Variants in TTC28 observed in about 807,000 individuals in gnomAD.
TTC28 encodes the protein tetratricopeptide repeat domain 28.
A neutral mutation model predicts 198.0 loss-of-function variants in TTC28; 61 were observed. The ratio of observed to expected loss-of-function variants is 0.31; its 90% CI spans 0.25 to 0.38. The LOEUF is 0.38. Ranked by LOEUF, TTC28 falls within the 10% of genes least tolerant of loss-of-function variation. TTC28 has a pLI of 1.00. For missense variants in TTC28, 2,678 were observed against 3,164.0 expected (o/e 0.85, Z 3.69); for synonymous variants, 1,171 against 1,297.8 (o/e 0.90, Z 2.10).
chr22:28,250,401 A>C (rs1930432620), intron 5 of TTC28, among the ~76,000 whole-genome samples: 1 of 152,238 alleles, frequency 6.6e-6, no homozygotes, highest in African/African-American at 2.4e-5. Context: ...ATTATAATTT[A>C]AATACTTTAA....
intron 15 of TTC28, chr22:27,999,730 T>C: frequency 6.3e-6 from 1 of 159,336 alleles, no homozygotes; most frequent in Non-Finnish European, 1.4e-5. Flanking sequence ...CTTAAGTCCT[T>C]TAAGAAGCTC....
intron 5 of TTC28, among the ~76,000 whole-genome samples, chr22:28,235,606 G>A (rs1929182109): frequency 6.6e-6 from 1 of 152,072 alleles, no homozygotes; most frequent in Non-Finnish European, 1.5e-5. Flanking sequence ...AAATAACACT[G>A]GAATAGAACA....
chr22:28,178,128 T>C (rs942177064), intron 5 of TTC28, among the ~76,000 whole-genome samples: 1 of 152,094 alleles, frequency 6.6e-6, no homozygotes, highest in East Asian at 1.9e-4. Flanking sequence ...ATACTATTTG[T>C]TTAATTTTCT....
chr22:28,553,671 G>A (rs956289086), intron 2 of TTC28, among the ~76,000 whole-genome samples: 45 of 151,638 alleles, frequency 3.0e-4, no homozygotes, highest in East Asian at 7.8e-4. Flanking sequence ...CAGCCCCCGC[G>A]CCAGGCCAGC....
At chr22:28,204,345 T>C (rs938870594) in intron 5 of TTC28, among the ~76,000 whole-genome samples, 3 of 152,170 alleles carry the variant, frequency 2.0e-5, no homozygotes, top group African/African-American at 7.2e-5. Context: ...ATTTTAGTGG[T>C]CACATGGATT....
intron 2 of TTC28, among the ~76,000 whole-genome samples, chr22:28,403,363 T>C (rs1471883081): frequency 2.0e-5 from 3 of 152,206 alleles, no homozygotes; most frequent in African/African-American, 4.8e-5. Flanking sequence ...TTAATAATAC[T>C]GATGTCCAGA....
intron 2 of TTC28, among the ~76,000 whole-genome samples, chr22:28,408,049 AACTG>A (rs2047026232): frequency 6.6e-6 from 1 of 152,246 alleles, no homozygotes; most frequent in Non-Finnish European, 1.5e-5. Context: ...TGGGACTAGT[AACTG>A]TGCATTCAGC....
intron 2 of TTC28, among the ~76,000 whole-genome samples, chr22:28,583,589 G>T (rs2050263781): frequency 6.6e-6 from 1 of 152,028 alleles, no homozygotes; most frequent in Non-Finnish European, 1.5e-5. Context: ...CTGCTTGTCA[G>T]CATCTGTATT....
chr22:28,165,513 G>C (rs1921827894), intron 5 of TTC28, among the ~76,000 whole-genome samples: 1 of 151,746 alleles, frequency 6.6e-6, no homozygotes, highest in Non-Finnish European at 1.5e-5. Flanking sequence ...AAGAGAGTAG[G>C]GGCCAATATT....
intron 2 of TTC28, among the ~76,000 whole-genome samples, chr22:28,496,298 C>T (rs1438019792): frequency 6.6e-6 from 1 of 151,974 alleles, no homozygotes; most frequent in Non-Finnish European, 1.5e-5. Context: ...TTGCTATATC[C>T]GACCTCTCCC....
At chr22:28,189,194 T>C (rs1165627978) in intron 5 of TTC28, among the ~76,000 whole-genome samples, 1 of 151,958 alleles carries the variant, frequency 6.6e-6, no homozygotes, top group African/African-American at 2.4e-5. Flanking sequence ...AAATAACAAA[T>C]ACATATGTAT....
Position 28,426,559 on chromosome 22 carries a change from A to C in TTC28, c.382-119916T>G, listed in dbSNP as rs538039017. Among the ~76,000 whole-genome samples, 4 of 152,288 alleles carry C rather than the reference A, an allele frequency of 2.6e-5. No homozygotes were observed. In the South Asian group the frequency reaches 6.2e-4, roughly 24 times the overall value. On this transcript the variant is annotated intron_variant, in intron 2 of 22. Coordinates refer to ENST00000397906, the MANE Select transcript of TTC28 (RefSeq NM_001145418.2). The stretch of plus-strand genomic sequence containing the variant: ...ATCTGTACAGCTTCCCAAGTTTCTT[A>C]CTTCCTAGTTCCTAAGGAACTAGGA...
chr22:28,016,513 T>C (rs970507887), intron 13 of TTC28, among the ~76,000 whole-genome samples: 6 of 152,188 alleles, frequency 3.9e-5, no homozygotes, highest in African/African-American at 1.4e-4. Context: ...CCTCTTCCTA[T>C]GTACCTCAAG....
intron 5 of TTC28, among the ~76,000 whole-genome samples, chr22:28,241,136 T>A (rs1487789067): frequency 6.6e-6 from 1 of 152,150 alleles, no homozygotes. Flanking sequence ...TAATCAAAGT[T>A]CATTTCCCCA....
At chr22:28,127,281 A>C (rs1942940567) in intron 6 of TTC28, among the ~76,000 whole-genome samples, 1 of 152,180 alleles carries the variant, frequency 6.6e-6, no homozygotes, top group Non-Finnish European at 1.5e-5. Context: ...TTTTGCTAAA[A>C]CTTTGATATA....
chr22:28,525,191 C>T (rs969524419), intron 2 of TTC28, among the ~76,000 whole-genome samples: 3 of 152,002 alleles, frequency 2.0e-5, no homozygotes, highest in Admixed American at 6.6e-5. Context: ...ACTCTGTCAC[C>T]GAGGCTGGAG....
chr22:28,134,072 C>A (rs1943132738), intron 6 of TTC28, among the ~76,000 whole-genome samples: 1 of 152,242 alleles, frequency 6.6e-6, no homozygotes, highest in Admixed American at 6.5e-5. Flanking sequence ...TGCTCTGCAG[C>A]CTCCGCTGCT....
At chr22:28,581,984 A>G (rs1345541373) in intron 2 of TTC28, among the ~76,000 whole-genome samples, 4 of 152,152 alleles carry the variant, frequency 2.6e-5, no homozygotes, top group Non-Finnish European at 4.4e-5. Context: ...TTTATCTCAA[A>G]ATATTATTAA....
intron 2 of TTC28, among the ~76,000 whole-genome samples, chr22:28,449,304 G>A (rs1423409186): frequency 1.3e-5 from 2 of 152,206 alleles, no homozygotes; most frequent in African/African-American, 4.8e-5. Flanking sequence ...AGCTACATTA[G>A]CAAGCATCTA....
Sources: gnomAD v4.1 joint callset for allele counts (sites outside exome capture counted in the v4.1 genomes callset) on GRCh38, gnomAD v4.1.1 for gene constraint, MANE v1.5 for transcripts, NCBI Gene and HGNC (gene_info 2026-07-23, HGNC 2026-07-21) for gene names.